FGF14: variants seen among roughly 807,000 people sequenced by gnomAD.
FGF14 encodes fibroblast growth factor homologous factor 4.
In FGF14, 5 loss-of-function variants were observed where a neutral mutation model predicts 25.5. The ratio of observed to expected loss-of-function variants is 0.20; its 90% CI spans 0.10 to 0.41. FGF14 has a LOEUF of 0.41. FGF14 is among the 10% of genes least tolerant of loss of function. The pLI is 1.00. For synonymous variants in FGF14, 138 were observed against 118.3 expected, an observed-to-expected ratio of 1.17 and a Z score of -1.08; for missense variants, 222 against 320.1, an observed-to-expected ratio of 0.69 and a Z score of 2.34.
intron 1 of FGF14, among the ~76,000 whole-genome samples, chr13:102,234,596 T>C (rs1324513167): frequency 6.6e-6 from 1 of 152,160 alleles, no homozygotes; most frequent in Non-Finnish European, 1.5e-5. Flanking sequence ...AATAAAATAA[T>C]TTTTTAAATA....
At chr13:101,929,068 G>A (rs552658944) in intron 1 of FGF14, among the ~76,000 whole-genome samples, 8 of 152,194 alleles carry the variant, frequency 5.3e-5, no homozygotes, top group South Asian at 2.1e-4. Flanking sequence ...ACATTAATGC[G>A]TCTATTGAGC....
chr13:101,951,269 T>C (rs2139391407), intron 1 of FGF14, among the ~76,000 whole-genome samples: 1 of 152,270 alleles, frequency 6.6e-6, no homozygotes, highest in Admixed American at 6.5e-5. Context: ...TTGTAGAAGG[T>C]TGCACTATGA....
chr13:101,891,536 C>T (rs2029861224), intron 1 of FGF14, among the ~76,000 whole-genome samples: 1 of 152,146 alleles, frequency 6.6e-6, no homozygotes, highest in East Asian at 1.9e-4. Context: ...TGACAGCCAT[C>T]ATTTAGCCAT....
At chr13:101,900,289 C>A (rs1039160051) in intron 1 of FGF14, among the ~76,000 whole-genome samples, 1 of 151,464 alleles carries the variant, frequency 6.6e-6, no homozygotes, top group East Asian at 1.9e-4. Context: ...GTTAAAAGAA[C>A]GCAAATTTAA....
intron 1 of FGF14, among the ~76,000 whole-genome samples, chr13:102,349,773 T>G (rs2057219905): frequency 6.6e-6 from 1 of 152,224 alleles, no homozygotes; most frequent in African/African-American, 2.4e-5. Context: ...TGGGTTTAGG[T>G]TAAAGTAGGA....
intron 1 of FGF14, among the ~76,000 whole-genome samples, chr13:102,108,899 C>T (rs1441780716): frequency 6.6e-6 from 1 of 152,136 alleles, no homozygotes; most frequent in East Asian, 1.9e-4. Context: ...CCTTATGTTA[C>T]TTCATCTTTT....
chr13:102,090,523 G>A (rs980262503), intron 1 of FGF14, among the ~76,000 whole-genome samples: 3 of 152,140 alleles, frequency 2.0e-5, no homozygotes, highest in African/African-American at 7.2e-5. Context: ...TGCTGTAGAA[G>A]CTCGACCACT....
intron 3 of FGF14, among the ~76,000 whole-genome samples, chr13:101,771,117 G>T (rs912250794): frequency 1.3e-5 from 2 of 151,906 alleles, no homozygotes; most frequent in Non-Finnish European, 2.9e-5. Context: ...TTAGCATGGG[G>T]GCTGTAGTGC....
intron 1 of FGF14, among the ~76,000 whole-genome samples, chr13:101,909,787 G>A (rs879719673): frequency 5.9e-5 from 9 of 152,094 alleles, no homozygotes; most frequent in Admixed American, 4.6e-4. Context: ...AAAGACACAC[G>A]CACACATATG....
chr13:101,886,187 TATG>T (rs1194345054), intron 1 of FGF14, among the ~76,000 whole-genome samples: 5 of 152,198 alleles, frequency 3.3e-5, no homozygotes, highest in Non-Finnish European at 7.3e-5. Flanking sequence ...TAGTAATTTA[TATG>T]ATGTCACTGG....
chr13:102,095,490 A>G (rs2044352400), intron 1 of FGF14, among the ~76,000 whole-genome samples: 2 of 152,204 alleles, frequency 1.3e-5, no homozygotes, highest in South Asian at 4.1e-4. Flanking sequence ...TTTTAGAGAA[A>G]TGAAAAAGCA....
At chr13:102,232,337 C>T (rs1222211401) in intron 1 of FGF14, among the ~76,000 whole-genome samples, 1 of 152,130 alleles carries the variant, frequency 6.6e-6, no homozygotes, top group Non-Finnish European at 1.5e-5. Flanking sequence ...AACAACTTTA[C>T]CTAAACAGTA....
intron 1 of FGF14, among the ~76,000 whole-genome samples, chr13:102,079,735 T>A (rs2043529691): frequency 6.6e-6 from 1 of 152,216 alleles, no homozygotes; most frequent in Non-Finnish European, 1.5e-5. Flanking sequence ...ACGTACACAC[T>A]GACTACATAT....
chr13:102,207,195 G>A (rs537766993), intron 1 of FGF14, among the ~76,000 whole-genome samples: 135 of 151,514 alleles, frequency 8.9e-4, no homozygotes, highest in Non-Finnish European at 1.7e-3. Flanking sequence ...CAGGAAAATC[G>A]CTTGAACCCA....
At chr13:102,074,495 T>A (rs1280583353) in intron 1 of FGF14, among the ~76,000 whole-genome samples, 1 of 152,198 alleles carries the variant, frequency 6.6e-6, no homozygotes, top group Non-Finnish European at 1.5e-5. Flanking sequence ...AGGTGTCATG[T>A]TAGACACTGG....
chr13:101,859,715 C>T (rs1453842838), intron 3 of FGF14, among the ~76,000 whole-genome samples: 1 of 151,946 alleles, frequency 6.6e-6, no homozygotes, highest in Non-Finnish European at 1.5e-5. Flanking sequence ...TTATGATGGG[C>T]CCATATGGGA....
intron 3 of FGF14, among the ~76,000 whole-genome samples, chr13:101,850,104 T>A (rs1484107694): frequency 6.6e-6 from 1 of 151,672 alleles, no homozygotes; most frequent in Non-Finnish European, 1.5e-5. Flanking sequence ...AAATGCAATG[T>A]AAGCAAAATA....
chr13:102,035,517 C>A (rs1175599720), intron 1 of FGF14, among the ~76,000 whole-genome samples: 2 of 152,096 alleles, frequency 1.3e-5, no homozygotes, highest in African/African-American at 4.8e-5. Flanking sequence ...ACTACTGGTA[C>A]CACTGGATGA....
At chr13:101,831,638 G>A (rs1167727271) in intron 3 of FGF14, among the ~76,000 whole-genome samples, 1 of 152,054 alleles carries the variant, frequency 6.6e-6, no homozygotes, top group Non-Finnish European at 1.5e-5. Flanking sequence ...TTCTAAATTT[G>A]AGAATTCATT....
Sources: allele counts gnomAD v4.1 joint callset (sites outside exome capture counted in the v4.1 genomes callset), GRCh38; gene constraint gnomAD v4.1.1; transcripts MANE v1.5; gene names NCBI Gene and HGNC (gene_info 2026-07-23, HGNC 2026-07-21).